ARL15: variants seen among roughly 807,000 people sequenced by gnomAD.
ARL15 encodes ARF like GTPase 15.
ARL15 carries 19 observed loss-of-function variants against 25.2 expected under a neutral mutation model. That is an observed-to-expected ratio of 0.75 (90% CI 0.53 to 1.10). The LOEUF (loss-of-function observed/expected upper bound fraction) is 1.10. Ranked by LOEUF, ARL15 falls within the 50% of genes least tolerant of loss-of-function variation. The probability of loss-of-function intolerance (pLI) is 0.00; values close to 1 mark genes in which losing one functional copy is unlikely to be tolerated. For missense variants in ARL15, 220 were observed against 246.0 expected, an observed-to-expected ratio of 0.89 and a Z score of 0.71; for synonymous variants, 94 against 86.8, an observed-to-expected ratio of 1.08 and a Z score of -0.46.
chr5:54,152,758 T>C (rs1754106373), intron 3 of ARL15, among the ~76,000 whole-genome samples: 1 of 152,186 alleles, frequency 6.6e-6, no homozygotes, highest in Admixed American at 6.5e-5. Context: ...AATCCTATGG[T>C]ATCCTCTCCA....
intron 1 of ARL15, among the ~76,000 whole-genome samples, chr5:54,265,880 G>T (rs752981172): frequency 1.3e-5 from 2 of 152,162 alleles, no homozygotes; most frequent in African/African-American, 2.4e-5. Context: ...TATATATCAG[G>T]TTCCATATTA....
rs778628891 is a variant in ARL15, at chr5:54,310,529, A to G, written c.-50T>C. ...GGCTCCGAACCCGGAAAAAAAAAGCAGCGTCTCTGGCTGCGAGCGAGCAGC... is the reference window on the plus strand; with the variant it reads ...GGCTCCGAACCCGGAAAAAAAAAGCGGCGTCTCTGGCTGCGAGCGAGCAGC... On this transcript the variant is annotated 5_prime_UTR_variant, in exon 1 of 5. Coordinates refer to ENST00000504924, the MANE Select transcript of ARL15 (RefSeq NM_019087.3). The G allele has an allele frequency of 6.4e-7, 1 of 1,559,512 alleles. No homozygotes were observed. Among genetic ancestry groups the G allele is most frequent in the Non-Finnish European group, 8.7e-7 (1 of 1,151,344 alleles).
chr5:54,174,404 G>T (rs184538184), intron 1 of ARL15, among the ~76,000 whole-genome samples: 46 of 152,240 alleles, frequency 3.0e-4, no homozygotes, highest in African/African-American at 1.1e-3. Flanking sequence ...AACTTTCTTG[G>T]TAAATTAGAG....
intron 1 of ARL15, among the ~76,000 whole-genome samples, chr5:54,203,000 C>T (rs1755764335): frequency 6.6e-6 from 1 of 151,990 alleles, no homozygotes; most frequent in Admixed American, 6.6e-5. Flanking sequence ...GTAATTATTC[C>T]CCATTCTATG....
chr5:54,127,718 C>T (rs1304379373), intron 3 of ARL15, among the ~76,000 whole-genome samples: 2 of 151,404 alleles, frequency 1.3e-5, no homozygotes, highest in Non-Finnish European at 3.0e-5. Flanking sequence ...CAAGTCAATC[C>T]TAAGCCAAAA....
At chr5:53,910,638 TATATATATA>T (rs1745425593) in intron 4 of ARL15, among the ~76,000 whole-genome samples, 3 of 33,492 alleles carry the variant, frequency 9.0e-5, no homozygotes, top group Non-Finnish European at 1.9e-4. Flanking sequence ...AAAAATTATA[TATATATATA>T]TATATATATA....
intron 3 of ARL15, among the ~76,000 whole-genome samples, chr5:54,141,032 C>A (rs1753764073): frequency 1.3e-5 from 2 of 152,230 alleles, no homozygotes; most frequent in African/African-American, 4.8e-5. Flanking sequence ...ATAAATATAA[C>A]CAAAATGGTT....
At chr5:53,906,452 A>G (rs1215079723) in intron 4 of ARL15, among the ~76,000 whole-genome samples, 1 of 152,142 alleles carries the variant, frequency 6.6e-6, no homozygotes, top group African/African-American at 2.4e-5. Context: ...AAGAGAAAAA[A>G]ATGGAAGCAA....
chr5:54,197,431 T>C (rs1755581365), intron 1 of ARL15, among the ~76,000 whole-genome samples: 1 of 152,158 alleles, frequency 6.6e-6, no homozygotes, highest in Non-Finnish European at 1.5e-5. Flanking sequence ...TGGAAGATAA[T>C]TAAAACTAAT....
chr5:53,908,234 A>C (rs1745334795), intron 4 of ARL15, among the ~76,000 whole-genome samples: 1 of 152,200 alleles, frequency 6.6e-6, no homozygotes, highest in Non-Finnish European at 1.5e-5. Flanking sequence ...TATCATAGGC[A>C]TGTATATATA....
intron 4 of ARL15, among the ~76,000 whole-genome samples, chr5:54,004,997 C>T (rs5024170): frequency 2.6e-5 from 4 of 151,726 alleles, no homozygotes; most frequent in African/African-American, 7.3e-5. Flanking sequence ...TTTTCTTTTT[C>T]TTTTTTCTTT....
chr5:54,145,995 T>C lies in ARL15; in HGVS notation c.253+8585A>G, dbSNP rs80037233. 5.4e-4 allele frequency among the ~76,000 whole-genome samples: 82 copies of C among 152,298 alleles called. 1 individual carries two copies. In the East Asian group the frequency reaches 0.013, roughly 24 times the overall value. ...GTAGACTCTTTTCCTCTGTGAAGTC[T>C]CCTTTCTCCTTCCTATATGATCCTA... On this transcript the variant is annotated intron_variant, in intron 3 of 4. Coordinates refer to ENST00000504924, the MANE Select transcript of ARL15 (RefSeq NM_019087.3).
At chr5:54,203,568 C>A (rs879921073) in intron 1 of ARL15, among the ~76,000 whole-genome samples, 4 of 152,074 alleles carry the variant, frequency 2.6e-5, no homozygotes, top group African/African-American at 4.8e-5. Context: ...GAGAAAATAT[C>A]CAATGACTAA....
At chr5:53,932,264 C>T (rs533482354) in intron 4 of ARL15, among the ~76,000 whole-genome samples, 1 of 152,248 alleles carries the variant, frequency 6.6e-6, no homozygotes, top group South Asian at 2.1e-4. Context: ...AAAACATATG[C>T]TTTTGGGGAA....
chr5:53,944,935 A>G (rs1356345427), intron 4 of ARL15, among the ~76,000 whole-genome samples: 2 of 152,236 alleles, frequency 1.3e-5, no homozygotes, highest in African/African-American at 4.8e-5. Context: ...ATATAGGTTC[A>G]ATACTTCTAA....
At chr5:53,956,193 G>C (rs1747149171) in intron 4 of ARL15, among the ~76,000 whole-genome samples, 1 of 151,868 alleles carries the variant, frequency 6.6e-6, no homozygotes, top group African/African-American at 2.4e-5. Flanking sequence ...AACACTATCT[G>C]AATGGAAGCT....
intron 1 of ARL15, among the ~76,000 whole-genome samples, chr5:54,274,641 G>C (rs2112653696): frequency 6.6e-6 from 1 of 152,302 alleles, no homozygotes; most frequent in East Asian, 1.9e-4. Flanking sequence ...GCTCATGCCT[G>C]TAATCCCAGC....
At chr5:54,165,739 T>C (rs1047165512) in intron 2 of ARL15, among the ~76,000 whole-genome samples, 2 of 52,384 alleles carry the variant, frequency 3.8e-5, no homozygotes, top group Non-Finnish European at 7.7e-5. Context: ...TACCTTTGTT[T>C]ATATATATAT....
intron 1 of ARL15, among the ~76,000 whole-genome samples, chr5:54,244,282 A>G (rs985024176): frequency 6.6e-6 from 1 of 152,194 alleles, no homozygotes; most frequent in Non-Finnish European, 1.5e-5. Context: ...CTGACAAACT[A>G]ATGTAATTCA....
Sources: gnomAD v4.1 joint callset for allele counts (sites outside exome capture counted in the v4.1 genomes callset) on GRCh38, gnomAD v4.1.1 for gene constraint, MANE v1.5 for transcripts, NCBI Gene and HGNC (gene_info 2026-07-23, HGNC 2026-07-21) for gene names.